Variants in RIMS1 observed in about 807,000 individuals in gnomAD.
The protein encoded by RIMS1 is regulating synaptic membrane exocytosis 1.
RIMS1 carries 83 observed loss-of-function variants against 214.1 expected under a neutral mutation model. The ratio of observed to expected loss-of-function variants is 0.39; its 90% CI spans 0.32 to 0.47. The LOEUF (loss-of-function observed/expected upper bound fraction) is 0.47. Among genes scored for constraint, RIMS1 ranks in the 20% least tolerant of loss-of-function variants. RIMS1 has a pLI of 0.99. For synonymous variants in RIMS1, 793 were observed against 786.8 expected (o/e 1.01, Z -0.13); for missense variants, 2,050 against 2,161.8 (o/e 0.95, Z 1.03).
chr6:71,958,476 T>C (rs1791957081), intron 1 of RIMS1, among the ~76,000 whole-genome samples: 1 of 152,022 alleles, frequency 6.6e-6, no homozygotes, highest in African/African-American at 2.4e-5. Flanking sequence ...ATTTCTGGAG[T>C]TCATTACATT....
intron 29 of RIMS1, among the ~76,000 whole-genome samples, chr6:72,385,288 T>C (rs959917253): frequency 1.6e-4 from 24 of 152,190 alleles, no homozygotes; most frequent in South Asian, 4.1e-4. Context: ...TTTAATGGAC[T>C]ATATTGACAT....
chr6:72,171,894 T>C (rs1266411929), intron 4 of RIMS1, among the ~76,000 whole-genome samples: 1 of 152,100 alleles, frequency 6.6e-6, no homozygotes, highest in Admixed American at 6.5e-5. Context: ...ACCATATAAA[T>C]AGTCAATGAA....
chr6:71,893,212 A>G lies in RIMS1; in HGVS notation c.164+6025A>G, dbSNP rs2150362673. Reference sequence around the variant, plus strand: ...ACCTATCCTTTCATGCTAGCAATGCAGTGTTGCCAGGGTTGCAGCTCCCAG... The same window carrying G: ...ACCTATCCTTTCATGCTAGCAATGCGGTGTTGCCAGGGTTGCAGCTCCCAG... On this transcript the variant is annotated intron_variant, in intron 1 of 33. Coordinates refer to ENST00000521978, the MANE Select transcript of RIMS1 (RefSeq NM_014989.7). Among the ~76,000 whole-genome samples, 2 of 152,304 alleles carry G rather than the reference A, an allele frequency of 1.3e-5. 1 individual carries two copies. The highest frequency in any genetic ancestry group is 4.1e-4 in the South Asian group (2 of 4,826).
At chr6:72,034,574 G>A (rs1287443175) in intron 2 of RIMS1, among the ~76,000 whole-genome samples, 1 of 151,896 alleles carries the variant, frequency 6.6e-6, no homozygotes, top group Non-Finnish European at 1.5e-5. Flanking sequence ...GTGGTAAACT[G>A]TAAAATTATG....
intron 28 of RIMS1, among the ~76,000 whole-genome samples, chr6:72,318,650 C>T (rs2095965179): frequency 6.6e-6 from 1 of 152,082 alleles, no homozygotes; most frequent in Admixed American, 6.5e-5. Flanking sequence ...GATCATTCTC[C>T]TCTCTGAGAA....
intron 6 of RIMS1, among the ~76,000 whole-genome samples, chr6:72,202,870 AAAT>A (rs2052259936): frequency 6.6e-6 from 1 of 152,230 alleles, no homozygotes; most frequent in African/African-American, 2.4e-5. Flanking sequence ...TAGAACCTGG[AAAT>A]AATAATTGCA....
At chr6:71,956,463 C>A (rs1180920881) in intron 1 of RIMS1, among the ~76,000 whole-genome samples, 1 of 151,752 alleles carries the variant, frequency 6.6e-6, no homozygotes, top group Non-Finnish European at 1.5e-5. Context: ...TCCTTTGATC[C>A]CTGACCAAAA....
At chr6:71,985,472 A>G (rs1371493281) in intron 2 of RIMS1, among the ~76,000 whole-genome samples, 1 of 152,162 alleles carries the variant, frequency 6.6e-6, no homozygotes, top group Non-Finnish European at 1.5e-5. Context: ...ATTTTGATAC[A>G]TGTCACGGTC....
At chr6:72,039,301 G>T (rs1490563728) in intron 2 of RIMS1, among the ~76,000 whole-genome samples, 1 of 151,916 alleles carries the variant, frequency 6.6e-6, no homozygotes, top group Non-Finnish European at 1.5e-5. Context: ...TATATTTTTG[G>T]CAATGAAAAG....
chr6:72,170,898 A>T (rs2046939202), intron 4 of RIMS1, among the ~76,000 whole-genome samples: 1 of 152,214 alleles, frequency 6.6e-6, no homozygotes, highest in Non-Finnish European at 1.5e-5. Flanking sequence ...AATATTATTG[A>T]ATGTTTACTA....
chr6:72,263,044 A>G (rs1355730186), intron 19 of RIMS1: 3 of 898,884 alleles, frequency 3.3e-6, no homozygotes, highest in Non-Finnish European at 2.7e-6. Flanking sequence ...ATTCAAAATC[A>G]GATCTATTTG....
intron 2 of RIMS1, among the ~76,000 whole-genome samples, chr6:72,067,903 A>G (rs1829699890): frequency 6.6e-6 from 1 of 152,208 alleles, no homozygotes; most frequent in Non-Finnish European, 1.5e-5. Context: ...AAATTATGTG[A>G]GGGCAATGTT....
At chr6:72,083,132 T>G (rs78968333) in intron 2 of RIMS1, among the ~76,000 whole-genome samples, 3,945 of 152,266 alleles carry the variant, frequency 0.026, 144 homozygotes, top group African/African-American at 0.089. Context: ...ACATTTGATG[T>G]ATGTAAATTT....
At chr6:72,340,008 T>C (rs1329816726) in intron 29 of RIMS1, among the ~76,000 whole-genome samples, 1 of 152,144 alleles carries the variant, frequency 6.6e-6, no homozygotes, top group African/African-American at 2.4e-5. Flanking sequence ...CTGATTGTGG[T>C]TTTGATTTGC....
chr6:72,359,399 T>C (rs1383875367), intron 29 of RIMS1, among the ~76,000 whole-genome samples: 1 of 152,126 alleles, frequency 6.6e-6, no homozygotes, highest in African/African-American at 2.4e-5. Flanking sequence ...GAGTCAAACA[T>C]TGGTTATTAG....
At chr6:71,984,444 GA>G (rs1562027914) in intron 2 of RIMS1, among the ~76,000 whole-genome samples, 1 of 151,798 alleles carries the variant, frequency 6.6e-6, no homozygotes, top group Non-Finnish European at 1.5e-5. Flanking sequence ...ACAATCTTAT[GA>G]AAAAAATGTA....
At chr6:72,179,462 G>A (rs1373066659) in intron 4 of RIMS1, 113 bp from the exon 5 acceptor site, 27 of 945,522 alleles carry the variant, frequency 2.9e-5, no homozygotes, top group Non-Finnish European at 4.3e-5. Flanking sequence ...AAATTTGCAA[G>A]GATAAATATG....
At chr6:72,126,500 G>A (rs1449496251) in intron 4 of RIMS1, among the ~76,000 whole-genome samples, 3 of 151,806 alleles carry the variant, frequency 2.0e-5, no homozygotes, top group Non-Finnish European at 4.4e-5. Context: ...CAAAATAGGG[G>A]AAGAGCTTCA....
rs539063680 is a variant in RIMS1 at position 72,002,507 on chromosome 6, A to T, written c.245+33444A>T. ...GGAGAGAACAAAAGACCAAAGATGC[A>T]TGGGGTAGGAGTGTGCAGACGCTGC... is the stretch of plus-strand genomic sequence containing the variant. On this transcript the variant is annotated intron_variant, in intron 2 of 33. Transcript: ENST00000521978. 4.7e-4 allele frequency among the ~76,000 whole-genome samples: 72 copies of T among 152,308 alleles called. 1 individual carries two copies. Among genetic ancestry groups the T allele is most frequent in the African/African-American group, 1.7e-3 (72 of 41,566 alleles).
Sources: allele counts gnomAD v4.1 joint callset (sites outside exome capture counted in the v4.1 genomes callset), GRCh38; gene constraint gnomAD v4.1.1; transcripts MANE v1.5; gene names NCBI Gene and HGNC (gene_info 2026-07-23, HGNC 2026-07-21).